CCSER1: variants seen among roughly 807,000 people sequenced by gnomAD.
The protein encoded by CCSER1 is serine-rich coiled-coil domain-containing protein 1.
CCSER1 carries 41 observed loss-of-function variants against 82.0 expected under a neutral mutation model. That is an observed-to-expected ratio of 0.50 (90% CI 0.39 to 0.65). CCSER1 has a LOEUF of 0.65. CCSER1 is among the 30% of genes least tolerant of loss of function. The probability of loss-of-function intolerance (pLI) is 0.00; values close to 1 mark genes in which losing one functional copy is unlikely to be tolerated. For missense variants in CCSER1, 1,119 were observed against 1,064.2 expected (o/e 1.05, Z -0.72); for synonymous variants, 414 against 383.9 (o/e 1.08, Z -0.92).
intron 1 of CCSER1, among the ~76,000 whole-genome samples, chr4:90,134,351 C>T (rs1723298462): frequency 6.6e-6 from 1 of 152,186 alleles, no homozygotes; most frequent in East Asian, 1.9e-4. Flanking sequence ...TTGCCACCAT[C>T]TTGAATGATG....
chr4:90,759,907 G>A (rs894701381), intron 7 of CCSER1, among the ~76,000 whole-genome samples: 5 of 151,912 alleles, frequency 3.3e-5, no homozygotes, highest in African/African-American at 1.2e-4. Context: ...ACAGAAAATT[G>A]TATACATATA....
chr4:91,177,552 G>T (rs565493934), intron 10 of CCSER1, among the ~76,000 whole-genome samples: 1 of 152,134 alleles, frequency 6.6e-6, no homozygotes, highest in South Asian at 2.1e-4. Flanking sequence ...TCTTGGGAGG[G>T]TGTATGTGTC....
chr4:90,419,070 A>G (rs1005038609), intron 4 of CCSER1, among the ~76,000 whole-genome samples: 6 of 151,982 alleles, frequency 3.9e-5, no homozygotes, highest in Admixed American at 1.3e-4. Flanking sequence ...TTTGATACCC[A>G]CTTACTGTTT....
chr4:90,557,645 A>G (rs1009752853), intron 5 of CCSER1, among the ~76,000 whole-genome samples: 3 of 152,142 alleles, frequency 2.0e-5, no homozygotes, highest in African/African-American at 7.2e-5. Flanking sequence ...TTCTTAAGGC[A>G]TTGTACCTCA....
At chr4:91,598,442 TTGA>T (rs1764683171) in intron 10 of CCSER1, 127 bp from the exon 11 acceptor site, 1 of 930,286 alleles carries the variant, frequency 1.1e-6, no homozygotes, top group East Asian at 2.7e-5. Context: ...GTTAATTGTA[TTGA>T]TAATTTTATA....
At chr4:91,587,729 G>T (rs899330695) in intron 10 of CCSER1, among the ~76,000 whole-genome samples, 13 of 151,570 alleles carry the variant, frequency 8.6e-5, no homozygotes, top group Middle Eastern at 6.8e-3. Flanking sequence ...CAGATCTTGT[G>T]TCTATGCATG....
intron 1 of CCSER1, among the ~76,000 whole-genome samples, chr4:90,207,409 G>A (rs890771901): frequency 6.6e-6 from 1 of 151,882 alleles, no homozygotes; most frequent in Non-Finnish European, 1.5e-5. Context: ...TTTTTTCAAG[G>A]TTCTTAGCTT....
intron 4 of CCSER1, among the ~76,000 whole-genome samples, chr4:90,459,003 CTATT>C (rs1159915956): frequency 6.6e-6 from 1 of 152,058 alleles, no homozygotes; most frequent in Non-Finnish European, 1.5e-5. Context: ...CTAATGCTAT[CTATT>C]GTATGCATAT....
chr4:91,265,634 GT>G (rs889441539), intron 10 of CCSER1, among the ~76,000 whole-genome samples: 4 of 152,074 alleles, frequency 2.6e-5, no homozygotes, highest in Non-Finnish European at 5.9e-5. Flanking sequence ...TCCATTAATT[GT>G]TTCCTTCATA....
intron 9 of CCSER1, among the ~76,000 whole-genome samples, chr4:90,969,709 G>C (rs542892459): frequency 1.3e-5 from 2 of 151,960 alleles, no homozygotes; most frequent in African/African-American, 4.8e-5. Context: ...AAAATATGCT[G>C]TTTGGTAAGA....
rs1288905583 is a variant in CCSER1 at position 91,301,868 on chromosome 4, C to T, written c.2217+215874C>T. ...TGAAAATCAATGAGGTCAAAATGGACCACTTTCTTCTCATTGATTTTTCTC... is the reference window on the plus strand; with the variant it reads ...TGAAAATCAATGAGGTCAAAATGGATCACTTTCTTCTCATTGATTTTTCTC... On this transcript the variant is annotated intron_variant, in intron 10 of 10. Coordinates refer to ENST00000509176, the MANE Select transcript of CCSER1 (RefSeq NM_001145065.2). 2.6e-5 allele frequency among the ~76,000 whole-genome samples: 4 copies of T among 151,952 alleles called. No individual in the cohort carries two copies. The East Asian group carries it at 7.8e-4, about 30-fold the overall frequency.
At chr4:91,236,911 T>A (rs2149124863) in intron 10 of CCSER1, among the ~76,000 whole-genome samples, 1 of 152,290 alleles carries the variant, frequency 6.6e-6, no homozygotes, top group African/African-American at 2.4e-5. Flanking sequence ...CAGCTGTACC[T>A]TTTCAATGTC....
At chr4:91,115,224 T>C (rs1158639338) in intron 10 of CCSER1, among the ~76,000 whole-genome samples, 2 of 152,264 alleles carry the variant, frequency 1.3e-5, no homozygotes, top group South Asian at 2.1e-4. Context: ...CATTGAATTA[T>C]GAGTTTTCAA....
chr4:90,791,720 G>T (rs1755266523), intron 7 of CCSER1, among the ~76,000 whole-genome samples: 1 of 151,660 alleles, frequency 6.6e-6, no homozygotes, highest in Non-Finnish European at 1.5e-5. Context: ...TACTTGGGAG[G>T]CTGAGGCAGG....
intron 10 of CCSER1, among the ~76,000 whole-genome samples, chr4:91,500,126 A>T (rs760623577): frequency 5.3e-5 from 8 of 151,986 alleles, no homozygotes; most frequent in Non-Finnish European, 1.2e-4. Context: ...CCATATCCTC[A>T]TCAACATTTT....
chr4:90,243,062 CTTTTT>C (rs745465024), intron 1 of CCSER1, among the ~76,000 whole-genome samples: 1 of 127,016 alleles, frequency 7.9e-6, no homozygotes, highest in Non-Finnish European at 1.6e-5. Flanking sequence ...CTCTCTCTCT[CTTTTT>C]TTTTTTTTTT....
At chr4:91,409,977 T>C (rs1752931738) in intron 10 of CCSER1, among the ~76,000 whole-genome samples, 1 of 152,210 alleles carries the variant, frequency 6.6e-6, no homozygotes, top group East Asian at 1.9e-4. Flanking sequence ...TCGTGCAAAA[T>C]AAACACATTG....
At position 90,461,223 on chromosome 4, in the gene CCSER1, G is replaced by A. The variant is rs1453264890; in HGVS notation, c.1604-7011G>A. 3.6e-5 allele frequency among the ~76,000 whole-genome samples: 5 copies of A among 138,800 alleles called. 1 individual carries two copies. The highest frequency in any genetic ancestry group is 2.3e-4 in the South Asian group (1 of 4,440). The allele number at this position is 138,800 out of a possible 152,430, so 91.1% of individuals were successfully genotyped here. A position where few individuals can be genotyped will look rare whatever the true frequency, so the allele number is the denominator to read the frequency against. ...TGGGACTACAGGCGCCCGCCACTACGCCCGGCTAATTTTTTGTATTTTTAG... is the reference window on the plus strand; with the variant it reads ...TGGGACTACAGGCGCCCGCCACTACACCCGGCTAATTTTTTGTATTTTTAG... On this transcript the variant is annotated intron_variant, in intron 4 of 10. Transcript: ENST00000509176.
At chr4:90,748,672 A>G (rs1301335872) in intron 7 of CCSER1, among the ~76,000 whole-genome samples, 8 of 145,382 alleles carry the variant, frequency 5.5e-5, no homozygotes, top group Admixed American at 4.8e-4. Context: ...AAGTGTTCCT[A>G]TTTCTCCACA....
Sources: allele counts gnomAD v4.1 joint callset (sites outside exome capture counted in the v4.1 genomes callset), GRCh38; gene constraint gnomAD v4.1.1; transcripts MANE v1.5; gene names NCBI Gene and HGNC (gene_info 2026-07-23, HGNC 2026-07-21).